Variants in IGSF3 observed in about 807,000 individuals in gnomAD.
The protein encoded by IGSF3 is glu-Trp-Ile EWI motif-containing protein 3.
Under a neutral mutation model 114.4 loss-of-function variants are expected in IGSF3, and 23 were observed. The observed-to-expected ratio is 0.20, with a 90% CI of 0.14 to 0.28. IGSF3 has a LOEUF of 0.28. Among genes scored for constraint, IGSF3 ranks in the 10% least tolerant of loss-of-function variants. The pLI is 1.00. For missense variants in IGSF3, 1,172 were observed against 1,591.5 expected, an observed-to-expected ratio of 0.74 and a Z score of 4.48; for synonymous variants, 571 against 645.2, an observed-to-expected ratio of 0.88 and a Z score of 1.74.
At chr1:116,613,741 G>A (rs1459031782) in intron 4 of IGSF3, 24 bp downstream of exon 4, 1 of 1,604,314 alleles carries the variant, frequency 6.2e-7, no homozygotes, top group Admixed American at 1.7e-5. Context: ...TAAAGGACAG[G>A]ACAAGAGGCT....
At chr1:116,591,283 A>G (rs1317592743) in intron 7 of IGSF3, among the ~76,000 whole-genome samples, 1 of 152,106 alleles carries the variant, frequency 6.6e-6, no homozygotes, top group Non-Finnish European at 1.5e-5. Context: ...AATTCACCGC[A>G]TGCAAATGAT....
At position 116,605,021 on chromosome 1, in the gene IGSF3, CTT is replaced by C. The variant is rs1234291027; in HGVS notation, c.1223-998_1223-997del. ...ATTAATTTTACTATTCCACATAACT[CTT>C]TGTTTTTATAAACATCACAGATAGC... On this transcript the variant is annotated intron_variant, in intron 5 of 10. Coordinates refer to ENST00000369486, the MANE Select transcript of IGSF3 (RefSeq NM_001007237.3). This position sits in a 1 kb window ranked among gnomAD's most constrained non-coding sequence, Gnocchi z 5.1. Among the ~76,000 whole-genome samples the C allele has an allele frequency of 2.0e-5, 3 of 152,244 alleles. No homozygotes were observed. Among genetic ancestry groups the C allele is most frequent in the South Asian group, 2.1e-4 (1 of 4,826 alleles).
In IGSF3 at chr1:116,664,329, G is replaced by C. The variant is rs942105761; in HGVS notation, c.43+1955C>G. On this transcript the variant is annotated intron_variant, in intron 2 of 10. Transcript: ENST00000369486. The surrounding 1 kb of genome is among the most constrained non-coding windows in gnomAD (Gnocchi z 4.6). ...AAATGACAGCACCTGCCAGGTGCCA[G>C]GGCCCGAGCTCCACTCCACAGAGTG... 2.0e-5 allele frequency among the ~76,000 whole-genome samples: 3 copies of C among 152,218 alleles called. No individual in the cohort carries two copies. Among genetic ancestry groups the C allele is most frequent in the Admixed American group, 1.3e-4 (2 of 15,278 alleles).
chr1:116,624,988 A>G lies in IGSF3; in HGVS notation c.44-8531T>C, dbSNP rs1661531803. Among the ~76,000 whole-genome samples the G allele has an allele frequency of 6.6e-6, 1 of 152,218 alleles. No individual in the cohort carries two copies. The highest frequency in any genetic ancestry group is 6.5e-5 in the Admixed American group (1 of 15,280). ...CACTGTGAGCTGCCCCCAGCCTTGGAACTTCCAGCCATGCCTGCTGTGCCT... is the reference window on the plus strand; with the variant it reads ...CACTGTGAGCTGCCCCCAGCCTTGGGACTTCCAGCCATGCCTGCTGTGCCT... On this transcript the variant is annotated intron_variant, in intron 2 of 10. Coordinates refer to ENST00000369486, the MANE Select transcript of IGSF3 (RefSeq NM_001007237.3). This position sits in a 1 kb window ranked among gnomAD's most constrained non-coding sequence, Gnocchi z 4.9.
intron 2 of IGSF3, among the ~76,000 whole-genome samples, chr1:116,645,967 TGGTG>T (rs1480634840): frequency 6.6e-6 from 1 of 152,144 alleles, no homozygotes; most frequent in African/African-American, 2.4e-5. Context: ...TAGCAGGAGT[TGGTG>T]GGTGGGGCAC....
rs938137253 is a variant in IGSF3, at chr1:116,598,542, A to G, written c.2029+1399T>C. Among the ~76,000 whole-genome samples the G allele has an allele frequency of 2.0e-5, 3 of 152,246 alleles. No individual in the cohort carries two copies. Among genetic ancestry groups the G allele is most frequent in the African/African-American group, 7.2e-5 (3 of 41,470 alleles). ...TCTGTTATGGGGTTAGAAGAGGTGA[A>G]GGAGAAACCCAAAGGTTACCATTAT... On this transcript the variant is annotated intron_variant, in intron 7 of 10. Transcript: ENST00000369486. This position sits in a 1 kb window ranked among gnomAD's most constrained non-coding sequence, Gnocchi z 4.3.
At position 116,598,592 on chromosome 1, in the gene IGSF3, C is replaced by T. The variant is rs1660438823; in HGVS notation, c.2029+1349G>A. Among the ~76,000 whole-genome samples, 1 of 152,180 alleles carries T rather than the reference C, an allele frequency of 6.6e-6. No homozygotes were observed. The highest frequency in any genetic ancestry group is 2.4e-5 in the African/African-American group (1 of 41,430). Reference sequence around the variant, plus strand: ...TTTAACCTCACGTTGCTGAAAACGACACTGTGGCCACCTAAAGCAGTCAGG... The same window carrying T: ...TTTAACCTCACGTTGCTGAAAACGATACTGTGGCCACCTAAAGCAGTCAGG... On this transcript the variant is annotated intron_variant, in intron 7 of 10. Coordinates refer to ENST00000369486, the MANE Select transcript of IGSF3 (RefSeq NM_001007237.3). This position sits in a 1 kb window ranked among gnomAD's most constrained non-coding sequence, Gnocchi z 4.3.
Position 116,647,473 on chromosome 1 carries a change from A to G in IGSF3, c.43+18811T>C, listed in dbSNP as rs1316441877. ...GGGTGGCAACCCCTGGCTCTGCTCA[A>G]CAATAATGACAACCACCATTTATTG... On this transcript the variant is annotated intron_variant, in intron 2 of 10. Coordinates refer to ENST00000369486, the MANE Select transcript of IGSF3 (RefSeq NM_001007237.3). The surrounding 1 kb of genome is among the most constrained non-coding windows in gnomAD (Gnocchi z 4.6). Among the ~76,000 whole-genome samples, 1 of 152,234 alleles carries G rather than the reference A, an allele frequency of 6.6e-6. No homozygotes were observed. Among genetic ancestry groups the G allele is most frequent in the Non-Finnish European group, 1.5e-5 (1 of 68,044 alleles).
At chr1:116,640,037 C>CAAAA (rs34003833) in intron 2 of IGSF3, among the ~76,000 whole-genome samples, 160 of 63,070 alleles carry the variant, frequency 2.5e-3, no homozygotes, top group Middle Eastern at 8.1e-3. Flanking sequence ...GACTCTATCT[C>CAAAA]AAAAAAAAAA....
At chr1:116,587,220 A>G (rs1029764942) in intron 8 of IGSF3, among the ~76,000 whole-genome samples, 6 of 152,162 alleles carry the variant, frequency 3.9e-5, no homozygotes, top group African/African-American at 9.7e-5. Context: ...GTGTGTGTGT[A>G]TATATATATG....
Position 116,666,692 on chromosome 1 carries a change from C to T in IGSF3, c.-366G>A. 1.9e-6 allele frequency: 1 copy of T among 532,296 alleles called. No individual in the cohort carries two copies. The allele number at this position is 532,296 out of a possible 1,614,324, so 33.0% of individuals were successfully genotyped here. On this transcript the variant is annotated 5_prime_UTR_variant, in exon 2 of 11. Coordinates refer to ENST00000369486, the MANE Select transcript of IGSF3 (RefSeq NM_001007237.3). ...AAAATCCTTTCATCCACTGATTATA[C>T]AGAAATGTCCTTGGCTTCTCAGTGA... is the stretch of plus-strand genomic sequence containing the variant.
chr1:116,602,019 T>C (rs149650897), intron 6 of IGSF3, among the ~76,000 whole-genome samples: 2 of 152,380 alleles, frequency 1.3e-5, no homozygotes, highest in Non-Finnish European at 2.9e-5. Flanking sequence ...GACCCGCATC[T>C]AATTATACTG....
intron 2 of IGSF3, among the ~76,000 whole-genome samples, chr1:116,635,121 C>T (rs938306103): frequency 1.7e-4 from 26 of 152,200 alleles, no homozygotes; most frequent in African/African-American, 6.3e-4. Context: ...TCGGGATGAT[C>T]TGTTATGCAG....
intron 7 of IGSF3, among the ~76,000 whole-genome samples, chr1:116,591,852 C>A (rs1301714310): frequency 6.6e-6 from 1 of 152,210 alleles, no homozygotes; most frequent in Non-Finnish European, 1.5e-5. Context: ...CACTTAGAGA[C>A]CACAGGTGTT....
In IGSF3 at chr1:116,614,589, T is replaced by G. The variant is rs1323373825; in HGVS notation, c.422-414A>C. On this transcript the variant is annotated intron_variant, in intron 3 of 10. Coordinates refer to ENST00000369486, the MANE Select transcript of IGSF3 (RefSeq NM_001007237.3). This position sits in a 1 kb window ranked among gnomAD's most constrained non-coding sequence, Gnocchi z 4.5. ...GTAATGGAAATGCCTCCTGGAACTT[T>G]TAGTTTTACATTTCTATACAACATC... is the stretch of plus-strand genomic sequence containing the variant. Among the ~76,000 whole-genome samples the G allele has an allele frequency of 6.6e-6, 1 of 152,226 alleles. No homozygotes were observed. Among genetic ancestry groups the G allele is most frequent in the Non-Finnish European group, 1.5e-5 (1 of 68,048 alleles).
At position 116,579,324 on chromosome 1, in the gene IGSF3, T is replaced by A; in HGVS notation, c.3334+68A>T. 1 of 1,508,742 alleles carries A rather than the reference T, an allele frequency of 6.6e-7. No homozygotes were observed. Among genetic ancestry groups the A allele is most frequent in the Non-Finnish European group, 8.9e-7 (1 of 1,128,756 alleles). The allele number at this position is 1,508,742 out of a possible 1,614,324, so 93.5% of individuals were successfully genotyped here. A position where few individuals can be genotyped will look rare whatever the true frequency, so the allele number is the denominator to read the frequency against. On this transcript the variant is annotated intron_variant, in intron 10 of 10. Coordinates refer to ENST00000369486, the MANE Select transcript of IGSF3 (RefSeq NM_001007237.3). This position sits in a 1 kb window ranked among gnomAD's most constrained non-coding sequence, Gnocchi z 6.4. ...ACTGTTTATTAACCCATAATCAAGCTCAAATTTATCTTCCAGACACAGTTG... is the reference window on the plus strand; with the variant it reads ...ACTGTTTATTAACCCATAATCAAGCACAAATTTATCTTCCAGACACAGTTG...
At position 116,585,052 on chromosome 1, in the gene IGSF3, T is replaced by C. The variant is rs981275674; in HGVS notation, c.2441A>G (p.Asp814Gly). The C allele has an allele frequency of 3.3e-6, 5 of 1,524,678 alleles. No individual in the cohort carries two copies. Among genetic ancestry groups the C allele is most frequent in the Non-Finnish European group, 3.5e-6 (4 of 1,134,486 alleles). The allele number at this position is 1,524,678 out of a possible 1,614,324, so 94.4% of individuals were successfully genotyped here. ...GRTEVTVKQP[D>G]SRLRLSQAQG... is the part of the protein sequence containing the mutation. The stretch of plus-strand genomic sequence containing the variant: ...GGCTTGGCTGAGCCTCAGGCGGCTG[T>C]CTGGAACAGTAAGGAAGAGACGTCA... The change falls in exon 9 of 11, where the codon GAC (aspartate) becomes GGC (glycine). Residue 814 changes from aspartate (D) to glycine (G), a missense_variant and splice_region_variant. Asp to Gly is a moderately conservative substitution (Grantham distance 94, BLOSUM62 -1). Transcript: ENST00000369486. This position sits in a 1 kb window ranked among gnomAD's most constrained non-coding sequence, Gnocchi z 4.9.
intron 4 of IGSF3, among the ~76,000 whole-genome samples, chr1:116,609,916 T>C (rs1016840881): frequency 4.6e-5 from 7 of 152,078 alleles, no homozygotes; most frequent in Non-Finnish European, 8.8e-5. Flanking sequence ...CCCCCCGATA[T>C]AGGCCAGTGT....
At position 116,638,923 on chromosome 1, in the gene IGSF3, T is replaced by C. The variant is rs1191921362; in HGVS notation, c.44-22466A>G. The stretch of plus-strand genomic sequence containing the variant: ...GGGTCACGTGCAAAGTCTGCATGCA[T>C]GCTGAACCATTCCAGCTGCGCCACT... On this transcript the variant is annotated intron_variant, in intron 2 of 10. Transcript: ENST00000369486. The surrounding 1 kb of genome is among the most constrained non-coding windows in gnomAD (Gnocchi z 4.1). Among the ~76,000 whole-genome samples, 1 of 152,162 alleles carries C rather than the reference T, an allele frequency of 6.6e-6. No homozygotes were observed. The highest frequency in any genetic ancestry group is 1.5e-5 in the Non-Finnish European group (1 of 68,028).
Sources: allele counts gnomAD v4.1 joint callset (sites outside exome capture counted in the v4.1 genomes callset), GRCh38; gene constraint gnomAD v4.1.1; non-coding constraint Gnocchi (gnomAD v3.1); transcripts MANE v1.5; gene names NCBI Gene and HGNC (gene_info 2026-07-23, HGNC 2026-07-21).